The following OPN3 variants were observed in gnomAD, a reference collection of about 807,000 sequenced individuals.
OPN3 encodes opsin 3, also known as opsin-3.
A neutral mutation model predicts 33.8 loss-of-function variants in OPN3; 29 were observed. The ratio of observed to expected loss-of-function variants is 0.86; its 90% CI spans 0.64 to 1.17. The LOEUF is 1.17. Ranked by LOEUF, OPN3 falls within the 50% of genes most tolerant of loss-of-function variation. OPN3 has a pLI of 0.00. For synonymous variants in OPN3, 216 were observed against 216.1 expected (o/e 1.00, Z 0.00); for missense variants, 437 against 514.1 (o/e 0.85, Z 1.45).
intron 1 of OPN3, among the ~76,000 whole-genome samples, chr1:241,612,359 G>A (rs1050627569): frequency 1.3e-5 from 2 of 152,116 alleles, no homozygotes; most frequent in African/African-American, 4.8e-5. Flanking sequence ...TCAATTTGTA[G>A]AAATTTAAAA....
chr1:241,594,588 A>C lies in OPN3; in HGVS notation c.1049T>G (p.Ile350Ser). The change falls in exon 4 of 4, where the codon ATT becomes AGT. Residue 350 changes from isoleucine to serine, a missense_variant. Physicochemically the swap from Ile to Ser is moderately radical, Grantham distance 142 (BLOSUM62 -2). Transcript: ENST00000366554. ...AAGSEMQIRP[I>S]VMSQKDGDRP... ...GTCCCCATCTTTCTGTGACATCACA[A>C]TGGGTCTGATCTGCATTTCACTTCC... 6 of 1,614,136 alleles carry C rather than the reference A, an allele frequency of 3.7e-6. No individual in the cohort carries two copies. The highest frequency in any genetic ancestry group is 5.1e-6 in the Non-Finnish European group (6 of 1,179,996).
intron 1 of OPN3, among the ~76,000 whole-genome samples, chr1:241,624,266 C>T (rs680382): frequency 0.52 from 60,157 of 114,936 alleles, 14,926 homozygotes; most frequent in East Asian, 0.61. Flanking sequence ...AGGCACTCTA[C>T]GCTCCAGACA....
chr1:241,595,103 A>G (rs1397687064), intron 3 of OPN3: 2 of 157,156 alleles, frequency 1.3e-5, no homozygotes, highest in African/African-American at 4.8e-5. Flanking sequence ...TCTTCCTGGC[A>G]GAGTTTACAG....
chr1:241,607,576 A>G (rs140773314), intron 1 of OPN3, among the ~76,000 whole-genome samples: 2 of 118,022 alleles, frequency 1.7e-5, no homozygotes, highest in Non-Finnish European at 3.6e-5. Context: ...AGAAAGAAAG[A>G]AAAGAAAGAA....
At position 241,640,214 on chromosome 1, in the gene OPN3, T is replaced by C. The variant is rs1340639524; in HGVS notation, c.41A>G (p.Asp14Gly). 10 of 1,355,112 alleles carry C rather than the reference T, an allele frequency of 7.4e-6. No homozygotes were observed. The highest frequency in any genetic ancestry group is 1.5e-5 in the African/African-American group (1 of 64,756). The allele number at this position is 1,355,112 out of a possible 1,614,324, so 83.9% of individuals were successfully genotyped here. Residue 14 changes from aspartate (D) to glycine (G), a missense_variant, in exon 1 of 4, where the codon GAC (aspartate) becomes GGC (glycine). By Grantham distance (94) the Asp-to-Gly change is moderately conservative (BLOSUM62 -1). Transcript: ENST00000366554. ...GNRSGGHGYW[D>G]GGGAAGAEGP... ...CTCAGCGCCCGCGGCCCCGCCGCCG[T>C]CCCAGTAGCCGTGGCCGCCGCTGCG...
At chr1:241,609,173 C>T (rs1338230731) in intron 1 of OPN3, among the ~76,000 whole-genome samples, 1 of 152,154 alleles carries the variant, frequency 6.6e-6, no homozygotes, top group Non-Finnish European at 1.5e-5. Flanking sequence ...TCAAATGGTG[C>T]ATCCATTTCC....
At chr1:241,626,944 T>TC (rs1402964211) in intron 1 of OPN3, among the ~76,000 whole-genome samples, 1 of 152,206 alleles carries the variant, frequency 6.6e-6, no homozygotes, top group African/African-American at 2.4e-5. Context: ...TGAATTATAA[T>TC]CAGGTATTCA....
rs532096444 is a variant in OPN3 at position 241,595,885 on chromosome 1, G to C, written c.946-1194C>G. 1.5e-4 allele frequency among the ~76,000 whole-genome samples: 22 copies of C among 150,952 alleles called. No homozygotes were observed. In the East Asian group the frequency reaches 4.3e-3, roughly 29 times the overall value. On this transcript the variant is annotated intron_variant, in intron 3 of 3. Coordinates refer to ENST00000366554, the MANE Select transcript of OPN3 (RefSeq NM_014322.3). The stretch of plus-strand genomic sequence containing the variant: ...GATACATTACTGTAAAGGTTAAATA[G>C]AGTATGTATGCCAAAAAACGTTTTT...
chr1:241,636,675 C>T (rs1020309771), intron 1 of OPN3, among the ~76,000 whole-genome samples: 1 of 151,962 alleles, frequency 6.6e-6, no homozygotes, highest in Non-Finnish European at 1.5e-5. Context: ...CATAATAGCC[C>T]TGAGGAGGAA....
intron 1 of OPN3, among the ~76,000 whole-genome samples, chr1:241,627,321 G>A (rs1664447926): frequency 6.6e-6 from 1 of 152,112 alleles, no homozygotes; most frequent in African/African-American, 2.4e-5. Flanking sequence ...TTTAAATAGT[G>A]CTTTATGTGT....
chr1:241,601,575 G>A (rs1298178540), intron 2 of OPN3, among the ~76,000 whole-genome samples: 1 of 151,986 alleles, frequency 6.6e-6, no homozygotes, highest in East Asian at 1.9e-4. Context: ...GCATGGTGGT[G>A]GGCACCTGTA....
At chr1:241,634,272 T>G in intron 1 of OPN3, 1 of 1,613,986 alleles carries the variant, frequency 6.2e-7, no homozygotes, top group South Asian at 1.1e-5. Flanking sequence ...ATGCATGTCA[T>G]GGTTGAAGAA....
chr1:241,640,183 C>A lies in OPN3; in HGVS notation c.72G>T (p.Pro24=). Residue 24 remains proline (P), a synonymous_variant, in exon 1 of 4, where the codon CCG becomes CCT. Coordinates refer to ENST00000366554, the MANE Select transcript of OPN3 (RefSeq NM_014322.3). ...DGGGAAGAEG[P]APAGTLSPAP... ...CGGGGCTCAGTGTCCCCGCCGGCGC[C>A]GGCCCCTCAGCGCCCGCGGCCCCGC... 7.1e-7 allele frequency: 1 copy of A among 1,400,264 alleles called. No individual in the cohort carries two copies. Among genetic ancestry groups the A allele is most frequent in the Non-Finnish European group, 9.2e-7 (1 of 1,082,150 alleles). 86.7% of individuals were successfully genotyped at this position (1,400,264 alleles called of 1,614,324 possible).
At chr1:241,623,444 G>A (rs536116184) in intron 1 of OPN3, among the ~76,000 whole-genome samples, 122 of 152,222 alleles carry the variant, frequency 8.0e-4, no homozygotes, top group Admixed American at 2.5e-3. Context: ...ACAAAGATAA[G>A]CAAATGCAAT....
intron 1 of OPN3, chr1:241,633,492 T>C (rs1285547131): frequency 7.0e-6 from 2 of 283,800 alleles, no homozygotes; most frequent in Admixed American, 9.6e-5. Context: ...TACATTACCT[T>C]TAAGCTGAGT....
intron 1 of OPN3, among the ~76,000 whole-genome samples, chr1:241,621,167 G>A (rs1162793171): frequency 2.6e-5 from 4 of 152,022 alleles, no homozygotes; most frequent in African/African-American, 9.7e-5. Context: ...TGCTCAATGG[G>A]TAGTAGATAC....
intron 1 of OPN3, among the ~76,000 whole-genome samples, chr1:241,607,419 C>G (rs947651298): frequency 6.6e-6 from 1 of 152,006 alleles, no homozygotes; most frequent in Non-Finnish European, 1.5e-5. Context: ...GAGGCTGAGA[C>G]AGGAGAACTG....
At chr1:241,624,363 A>G (rs888076975) in intron 1 of OPN3, among the ~76,000 whole-genome samples, 1 of 152,172 alleles carries the variant, frequency 6.6e-6, no homozygotes, top group African/African-American at 2.4e-5. Context: ...CAATGCCTCC[A>G]TGCCTGTTTC....
At chr1:241,609,790 C>T (rs745662009) in intron 1 of OPN3, among the ~76,000 whole-genome samples, 27 of 152,132 alleles carry the variant, frequency 1.8e-4, no homozygotes, top group Non-Finnish European at 3.8e-4. Flanking sequence ...GCTGAAGCCT[C>T]CTTGAATTAT....
Sources: allele counts gnomAD v4.1 joint callset (sites outside exome capture counted in the v4.1 genomes callset), GRCh38; gene constraint gnomAD v4.1.1; transcripts MANE v1.5; gene names NCBI Gene and HGNC (gene_info 2026-07-23, HGNC 2026-07-21).